The following PLEKHG4B variants were observed in gnomAD, a reference collection of about 807,000 sequenced individuals.
The protein encoded by PLEKHG4B is pleckstrin homology and RhoGEF domain containing G4B.
In PLEKHG4B, 111 loss-of-function variants were observed where a neutral mutation model predicts 121.3. The observed-to-expected ratio is 0.92, with a 90% CI of 0.78 to 1.07. PLEKHG4B has a LOEUF of 1.07. PLEKHG4B is among the 50% of genes least tolerant of loss of function. The probability of loss-of-function intolerance (pLI) is 0.00; values close to 1 mark genes in which losing one functional copy is unlikely to be tolerated. For missense variants in PLEKHG4B, 1,831 were observed against 1,757.8 expected (o/e 1.04, Z -0.74); for synonymous variants, 738 against 725.0 (o/e 1.02, Z -0.29).
At chr5:144,531 C>T (rs180928950) in intron 5 of PLEKHG4B, among the ~76,000 whole-genome samples, 22 of 152,302 alleles carry the variant, frequency 1.4e-4, no homozygotes, top group African/African-American at 4.6e-4. Context: ...TGATGGAGCA[C>T]GGCCCATTTC....
chr5:164,753 GTAATCCTCTGACGGGGCGGAGCTCACAC>G (rs1736219048), intron 13 of PLEKHG4B, among the ~76,000 whole-genome samples: 24 of 83,356 alleles, frequency 2.9e-4, no homozygotes, highest in African/African-American at 6.1e-4. Context: ...GGGGCTCACA[GTAATCCTCTGACGGGGCGGAGCTCACAC>G]TAATGCTCTG....
At chr5:172,223 G>A (rs1417188976) in intron 16 of PLEKHG4B, among the ~76,000 whole-genome samples, 1 of 152,226 alleles carries the variant, frequency 6.6e-6, no homozygotes, top group Admixed American at 6.5e-5. Flanking sequence ...GGCGCCTCAG[G>A]CTGTCCCAGC....
chr5:168,034 C>T (rs1045906535), intron 13 of PLEKHG4B, among the ~76,000 whole-genome samples: 1 of 152,226 alleles, frequency 6.6e-6, no homozygotes, highest in South Asian at 2.1e-4. Context: ...TCTCCACTCT[C>T]TCAGGGCAAC....
chr5:167,606 A>G (rs1736394812), intron 13 of PLEKHG4B, among the ~76,000 whole-genome samples: 1 of 152,152 alleles, frequency 6.6e-6, no homozygotes. Flanking sequence ...TTGAAAGTGC[A>G]GTGGATGGTG....
chr5:155,236 C>G, intron 8 of PLEKHG4B, 109 bp from the exon 9 acceptor site: 1 of 1,059,780 alleles, frequency 9.4e-7, no homozygotes, highest in Non-Finnish European at 1.4e-6. Flanking sequence ...CATATGGAAG[C>G]TTCCCAACCC....
At chr5:116,790 T>C (rs1287244593) in intron 2 of PLEKHG4B, among the ~76,000 whole-genome samples, 2 of 152,244 alleles carry the variant, frequency 1.3e-5, no homozygotes, top group Non-Finnish European at 2.9e-5. Context: ...GAGTGTCTTT[T>C]GGTTAGAATG....
At chr5:110,022 G>A (rs369385128) in intron 1 of PLEKHG4B, among the ~76,000 whole-genome samples, 9 of 142,716 alleles carry the variant, frequency 6.3e-5, no homozygotes, top group African/African-American at 2.4e-4. Context: ...TGTAACACAC[G>A]TGCACACACC....
chr5:143,428 G>C lies in PLEKHG4B; in HGVS notation c.1736G>C (p.Ser579Thr). ...GRAVVQVRTR[S>T]LLWTREHSSC... ...GCAGTGGTGCAGGTCCGCACCAGGA[G>C]CCTGCTCTGGACCAGGGAACACTCG... is the stretch of plus-strand genomic sequence containing the variant. The change falls in exon 5 of 20, where the codon AGC becomes ACC. Residue 579 changes from serine (S) to threonine (T), a missense_variant. Transcript: ENST00000637938. 1.2e-6 allele frequency: 2 copies of C among 1,612,888 alleles called. No individual in the cohort carries two copies. Among genetic ancestry groups the C allele is most frequent in the Admixed American group, 1.7e-5 (1 of 60,034 alleles).
chr5:181,616 G>A lies in PLEKHG4B; in HGVS notation c.4505G>A (p.Arg1502Gln), dbSNP rs764397389. The A allele has an allele frequency of 1.6e-5, 26 of 1,613,758 alleles. No homozygotes were observed. The East Asian group carries it at 2.0e-4, about 12-fold the overall frequency. Residue 1502 changes from arginine to glutamine, a missense_variant, in exon 19 of 20, where the codon CGG (arginine) becomes CAG (glutamine). Arg to Gln is a conservative substitution (Grantham distance 43). Transcript: ENST00000637938. ...RTPDCAVISD[R>Q]APKCAVMSDR... Reference sequence around the variant, plus strand: ...CCTGACTGTGCAGTGATAAGCGACCGGGCTCCCAAATGTGCAGTGATGAGC... The same window carrying A: ...CCTGACTGTGCAGTGATAAGCGACCAGGCTCCCAAATGTGCAGTGATGAGC...
rs1353108024 is a variant in PLEKHG4B at position 189,218 on chromosome 5, C to G, written c.*6895C>G. 1 of 152,448 alleles carries G rather than the reference C, an allele frequency of 6.6e-6. No individual in the cohort carries two copies. The highest frequency in any genetic ancestry group is 1.5e-5 in the Non-Finnish European group (1 of 68,184). The allele number at this position is 152,448 out of a possible 1,614,324, so 9.4% of individuals were successfully genotyped here. ...CTCAGCAGTGCCTGCCAGCTGCAGACCCCCATGCTCCTGCAGCCTGGAACC... is the reference window on the plus strand; with the variant it reads ...CTCAGCAGTGCCTGCCAGCTGCAGAGCCCCATGCTCCTGCAGCCTGGAACC... On this transcript the variant is annotated 3_prime_UTR_variant, in exon 20 of 20. Coordinates refer to ENST00000637938, the MANE Select transcript of PLEKHG4B (RefSeq NM_052909.5).
In PLEKHG4B at chr5:135,995, G is replaced by C. The variant is rs76916790; in HGVS notation, c.244-3488G>C. Among the ~76,000 whole-genome samples, 21 of 152,064 alleles carry C rather than the reference G, an allele frequency of 1.4e-4. No individual in the cohort carries two copies. In the East Asian group the frequency reaches 4.1e-3, roughly 29 times the overall value. Reference sequence around the variant, plus strand: ...ACACACAGACCAGTGGAGTGGAATAGAGAGCCCAGTAATGAACCCTCACGT... The same window carrying C: ...ACACACAGACCAGTGGAGTGGAATACAGAGCCCAGTAATGAACCCTCACGT... On this transcript the variant is annotated intron_variant, in intron 2 of 19. Coordinates refer to ENST00000637938, the MANE Select transcript of PLEKHG4B (RefSeq NM_052909.5).
Position 114,562 on chromosome 5 carries a change from A to G in PLEKHG4B, c.243+1114A>G, listed in dbSNP as rs528138657. ...GACCTCCGCCACCCAGGTTCAAGCAATTCTCCTGCCTCAGCCTCCTGAGTA... is the reference window on the plus strand; with the variant it reads ...GACCTCCGCCACCCAGGTTCAAGCAGTTCTCCTGCCTCAGCCTCCTGAGTA... On this transcript the variant is annotated intron_variant, in intron 2 of 19. Transcript: ENST00000637938. 4.5e-4 allele frequency among the ~76,000 whole-genome samples: 68 copies of G among 152,094 alleles called. 1 individual carries two copies. Among genetic ancestry groups the G allele is most frequent in the African/African-American group, 1.5e-3 (62 of 41,480 alleles).
intron 2 of PLEKHG4B, among the ~76,000 whole-genome samples, chr5:133,284 T>C (rs1734830200): frequency 6.6e-6 from 1 of 152,204 alleles, no homozygotes. Context: ...TTCATGGAGC[T>C]TTTTGGAGGA....
intron 2 of PLEKHG4B, among the ~76,000 whole-genome samples, chr5:133,120 T>G (rs960449824): frequency 1.3e-5 from 2 of 152,184 alleles, no homozygotes; most frequent in African/African-American, 4.8e-5. Context: ...CTTGGTTAGG[T>G]ATATTCCTAA....
At chr5:153,970 T>A (rs1579295807) in intron 7 of PLEKHG4B, among the ~76,000 whole-genome samples, 1 of 146,168 alleles carries the variant, frequency 6.8e-6, no homozygotes, top group African/African-American at 2.5e-5. Flanking sequence ...GGATCACAGG[T>A]GTCAGCCACC....
At position 188,833 on chromosome 5, in the gene PLEKHG4B, C is replaced by G. The variant is rs1331391112; in HGVS notation, c.*6510C>G. The G allele has an allele frequency of 6.6e-6, 1 of 152,296 alleles. No individual in the cohort carries two copies. The highest frequency in any genetic ancestry group is 2.1e-4 in the South Asian group (1 of 4,836). The allele number at this position is 152,296 out of a possible 1,614,324, so 9.4% of individuals were successfully genotyped here. ...AGGCAGGCTCAGCGATGCTCTCCAT[C>G]CGGCCTGGCCCCACCGTGTGTATCA... On this transcript the variant is annotated 3_prime_UTR_variant, in exon 20 of 20. Transcript: ENST00000637938.
Position 156,803 on chromosome 5 carries a change from C to T in PLEKHG4B, c.2379C>T (p.Tyr793=), listed in dbSNP as rs114676134. 383 of 1,573,302 alleles carry T rather than the reference C, an allele frequency of 2.4e-4. 6 individuals are homozygous for T. The East Asian group carries it at 7.6e-3, about 31-fold the overall frequency. ...RDTLEAATSL[Y]DRVDEEVHRL... ...CCCTGGAGGCCGCCACAAGCCTGTA[C>T]GACCGAGTGGATGAGGAGGTGCACA... is the stretch of plus-strand genomic sequence containing the variant. Residue 793 remains tyrosine (Y), a synonymous_variant, in exon 11 of 20, where the codon TAC becomes TAT. Coordinates refer to ENST00000637938, the MANE Select transcript of PLEKHG4B (RefSeq NM_052909.5). This position sits in a 1 kb window ranked among gnomAD's most constrained non-coding sequence, Gnocchi z 4.4.
chr5:95,765 G>A (rs1310050695), intron 1 of PLEKHG4B, among the ~76,000 whole-genome samples: 1 of 152,108 alleles, frequency 6.6e-6, no homozygotes, highest in Non-Finnish European at 1.5e-5. Context: ...CACCTCTAGT[G>A]TCCAATGGAG....
Position 173,859 on chromosome 5 carries a change from G to A in PLEKHG4B, c.4222-59G>A, listed in dbSNP as rs1736654260. The stretch of plus-strand genomic sequence containing the variant: ...CCTCCAGCACTGAGGAATTTGGGTA[G>A]CCAGTTGTTCAGAGACCATGTTCCT... On this transcript the variant is annotated intron_variant, in intron 17 of 19. Coordinates refer to ENST00000637938, the MANE Select transcript of PLEKHG4B (RefSeq NM_052909.5). The A allele has an allele frequency of 1.9e-6, 3 of 1,567,218 alleles. No individual in the cohort carries two copies. The Admixed American group carries it at 5.3e-5, about 28-fold the overall frequency.
Sources: gnomAD v4.1 joint callset for allele counts (sites outside exome capture counted in the v4.1 genomes callset) on GRCh38, gnomAD v4.1.1 for gene constraint, Gnocchi (gnomAD v3.1) non-coding constraint, MANE v1.5 for transcripts, NCBI Gene and HGNC (gene_info 2026-07-23, HGNC 2026-07-21) for gene names.